The following PDE4D variants were observed in gnomAD, a reference collection of about 807,000 sequenced individuals.
The protein encoded by PDE4D is 3',5'-cyclic-AMP phosphodiesterase 4D.
In PDE4D, 24 loss-of-function variants were observed where a neutral mutation model predicts 87.4. The ratio of observed to expected loss-of-function variants is 0.27; its 90% confidence interval spans 0.20 to 0.39. PDE4D has a LOEUF of 0.39. Ranked by LOEUF, PDE4D falls within the 10% of genes least tolerant of loss-of-function variation. PDE4D has a pLI of 1.00. For synonymous variants in PDE4D, 384 were observed against 383.2 expected (o/e 1.00, Z -0.02); for missense variants, 714 against 1,041.0 (o/e 0.69, Z 4.32).
chr5:59,405,243 CTTTAA>C (rs1791413744), intron 1 of PDE4D, among the ~76,000 whole-genome samples: 1 of 152,122 alleles, frequency 6.6e-6, no homozygotes, highest in Non-Finnish European at 1.5e-5. Context: ...TTTGTGTTCT[CTTTAA>C]TTTCTTTCAT....
intron 1 of PDE4D, among the ~76,000 whole-genome samples, chr5:59,439,471 C>A (rs1797270270): frequency 6.6e-6 from 1 of 152,138 alleles, no homozygotes; most frequent in Non-Finnish European, 1.5e-5. Flanking sequence ...GAAATAACAC[C>A]TTTCTGGTAT....
chr5:59,225,383 A>G (rs959107947), intron 1 of PDE4D, among the ~76,000 whole-genome samples: 17 of 152,146 alleles, frequency 1.1e-4, no homozygotes, highest in Admixed American at 9.2e-4. Context: ...TGCCAGTACC[A>G]CATTGTTTTG....
At chr5:59,668,771 G>GA (rs1746514441) in intron 1 of PDE4D, among the ~76,000 whole-genome samples, 3 of 146,878 alleles carry the variant, frequency 2.0e-5, no homozygotes, top group African/African-American at 7.7e-5. Flanking sequence ...GAAAGAAGAA[G>GA]AAGAAAGAAG....
chr5:60,129,011 T>C (rs1471908258), intron 2 of PDE4D, among the ~76,000 whole-genome samples: 1 of 152,230 alleles, frequency 6.6e-6, no homozygotes, highest in Non-Finnish European at 1.5e-5. Flanking sequence ...ATTTCTTTGA[T>C]TGACAGTTTA....
chr5:59,223,149 T>G (rs1490234766), intron 1 of PDE4D, among the ~76,000 whole-genome samples: 1 of 152,160 alleles, frequency 6.6e-6, no homozygotes, highest in African/African-American at 2.4e-5. Flanking sequence ...CTTTTATGTC[T>G]CCACCCAACT....
At chr5:59,697,429 G>T (rs1561495280) in intron 1 of PDE4D, among the ~76,000 whole-genome samples, 1 of 152,180 alleles carries the variant, frequency 6.6e-6, no homozygotes, top group Non-Finnish European at 1.5e-5. Flanking sequence ...GTGTGTGGGG[G>T]TGGGAGTGGA....
intron 5 of PDE4D, 195 bp downstream of exon 5, chr5:59,180,400 T>C (rs199985229): frequency 6.7e-4 from 474 of 712,430 alleles, no homozygotes; most frequent in Admixed American, 1.3e-3. Context: ...GTAAAAAACG[T>C]AAATCGGTAA....
intron 1 of PDE4D, among the ~76,000 whole-genome samples, chr5:60,476,720 A>G (rs1359931291): frequency 6.6e-6 from 1 of 152,170 alleles, no homozygotes; most frequent in Admixed American, 6.5e-5. Context: ...TGCGTGCAGC[A>G]CACTTTGCCC....
intron 2 of PDE4D, among the ~76,000 whole-genome samples, chr5:60,087,057 G>GA (rs1393719279): frequency 6.6e-6 from 1 of 152,186 alleles, no homozygotes; most frequent in African/African-American, 2.4e-5. Context: ...ACCAGACTGG[G>GA]AAAAAACTGT....
chr5:59,870,266 T>C (rs1747630954), intron 1 of PDE4D, among the ~76,000 whole-genome samples: 1 of 152,250 alleles, frequency 6.6e-6, no homozygotes, highest in South Asian at 2.1e-4. Context: ...GCTCTTATGC[T>C]TTCTTTCCTT....
chr5:59,696,939 A>G (rs1245464999), intron 1 of PDE4D, among the ~76,000 whole-genome samples: 1 of 152,202 alleles, frequency 6.6e-6, no homozygotes, highest in African/African-American at 2.4e-5. Flanking sequence ...AGACCACATC[A>G]ATAGTTACAA....
chr5:58,985,685 T>TG (rs1306247095), intron 11 of PDE4D, among the ~76,000 whole-genome samples: 5 of 152,184 alleles, frequency 3.3e-5, no homozygotes, highest in Non-Finnish European at 7.3e-5. Flanking sequence ...GGATGGCAGC[T>TG]CCAGCTCTGA....
chr5:59,082,113 T>C (rs1766876652), intron 5 of PDE4D, among the ~76,000 whole-genome samples: 1 of 152,172 alleles, frequency 6.6e-6, no homozygotes, highest in Admixed American at 6.6e-5. Flanking sequence ...CTTTATAAAT[T>C]ACCCAGTCTA....
chr5:59,243,552 C>A (rs1383097232), intron 1 of PDE4D, among the ~76,000 whole-genome samples: 2 of 145,780 alleles, frequency 1.4e-5, no homozygotes, highest in East Asian at 4.0e-4. Flanking sequence ...CTCTGCTTCC[C>A]AGGTTCAAGT....
chr5:60,209,349 TA>T (rs943025424), intron 1 of PDE4D, among the ~76,000 whole-genome samples: 5 of 152,120 alleles, frequency 3.3e-5, no homozygotes, highest in South Asian at 4.1e-4. Context: ...GTTGAAATGT[TA>T]AAAACATTGC....
intron 2 of PDE4D, among the ~76,000 whole-genome samples, chr5:60,173,935 G>C (rs1006635211): frequency 2.0e-5 from 3 of 152,104 alleles, no homozygotes; most frequent in African/African-American, 7.2e-5. Context: ...GATGAGTCTG[G>C]AGCTGAGGAA....
chr5:59,574,794 C>G (rs1822857445), intron 1 of PDE4D, among the ~76,000 whole-genome samples: 1 of 152,174 alleles, frequency 6.6e-6, no homozygotes, highest in East Asian at 1.9e-4. Flanking sequence ...TCCTCACCAT[C>G]TCCATCACAC....
intron 1 of PDE4D, among the ~76,000 whole-genome samples, chr5:59,793,055 G>C (rs1184811627): frequency 2.0e-5 from 3 of 152,184 alleles, no homozygotes; most frequent in Non-Finnish European, 4.4e-5. Flanking sequence ...CAGTCAAATG[G>C]AATGTCCGAT....
chr5:60,098,750 T>C (rs1393756650), intron 2 of PDE4D, among the ~76,000 whole-genome samples: 1 of 152,072 alleles, frequency 6.6e-6, no homozygotes, highest in Non-Finnish European at 1.5e-5. Context: ...ACAATTTGGA[T>C]ATTTTTTACT....
Sources: gnomAD v4.1 joint callset for allele counts (sites outside exome capture counted in the v4.1 genomes callset) on GRCh38, gnomAD v4.1.1 for gene constraint, MANE v1.5 for transcripts, NCBI Gene and HGNC (gene_info 2026-07-23, HGNC 2026-07-21) for gene names.